The following PDE1A variants were observed in gnomAD, a reference collection of about 807,000 sequenced individuals.
The protein encoded by PDE1A is phosphodiesterase 1A, also known as dual specificity calcium/calmodulin-dependent 3',5'-cyclic nucleotide phosphodiesterase 1A.
A neutral mutation model predicts 61.7 loss-of-function variants in PDE1A; 35 were observed. That is an observed-to-expected ratio of 0.57 (90% confidence interval 0.43 to 0.75). The LOEUF is 0.75. Among genes scored for constraint, PDE1A ranks in the 30% least tolerant of loss-of-function variants. The pLI is 0.00. For missense variants in PDE1A, 597 were observed against 630.6 expected, an observed-to-expected ratio of 0.95 and a Z score of 0.57; for synonymous variants, 232 against 213.2, an observed-to-expected ratio of 1.09 and a Z score of -0.77.
At chr2:182,569,242 TA>T in the PDE1A span, among the ~76,000 whole-genome samples, 1 of 129,430 alleles carries the variant, frequency 7.7e-6, no homozygotes, top group Non-Finnish European at 1.6e-5. Flanking sequence ...GACAGAGTGA[TA>T]ACCTGTCTCA....
At chr2:182,163,686 T>C (rs960004240), downstream of PDE1A, among the ~76,000 whole-genome samples, 2 of 152,148 alleles carry the variant, frequency 1.3e-5, no homozygotes, top group Non-Finnish European at 2.9e-5. Flanking sequence ...CAATTCCTAG[T>C]GGACCTATTT....
chr2:182,456,805 G>T (rs1685949853), intron 2 of PDE1A, among the ~76,000 whole-genome samples: 1 of 152,100 alleles, frequency 6.6e-6, no homozygotes. Context: ...AAATGTGCGT[G>T]TGTGTTTATA....
the PDE1A span, among the ~76,000 whole-genome samples, chr2:182,566,868 C>CA: frequency 6.6e-6 from 1 of 152,184 alleles, no homozygotes; most frequent in Non-Finnish European, 1.5e-5. Context: ...CATCTTCAAG[C>CA]AATCCAAATT....
the PDE1A span, among the ~76,000 whole-genome samples, chr2:182,535,503 C>T: frequency 6.6e-6 from 1 of 151,984 alleles, no homozygotes; most frequent in African/African-American, 2.4e-5. Flanking sequence ...TATAAGAAAA[C>T]TAGTGGTATT....
chr2:182,418,372 T>C (rs529703249), intron 1 of PDE1A, among the ~76,000 whole-genome samples: 12 of 152,286 alleles, frequency 7.9e-5, no homozygotes, highest in Admixed American at 3.9e-4. Flanking sequence ...TTTTAACTTT[T>C]TAAAACTTCT....
intron 2 of PDE1A, among the ~76,000 whole-genome samples, chr2:182,483,218 T>C (rs1421978012): frequency 1.3e-5 from 2 of 151,750 alleles, no homozygotes; most frequent in South Asian, 2.1e-4. Flanking sequence ...AAATAGGCAA[T>C]TAAACAATTA....
the PDE1A span, among the ~76,000 whole-genome samples, chr2:182,622,456 A>G: frequency 6.6e-6 from 1 of 152,258 alleles, no homozygotes; most frequent in East Asian, 1.9e-4. Context: ...AAAATGAGTA[A>G]GATAAACTAT....
chr2:182,366,179 C>T (rs1699828449), intron 1 of PDE1A, among the ~76,000 whole-genome samples: 1 of 151,938 alleles, frequency 6.6e-6, no homozygotes, highest in African/African-American at 2.4e-5. Context: ...GTGTTTAGTG[C>T]TATTTTGACT....
intron 13 of PDE1A, among the ~76,000 whole-genome samples, chr2:182,151,774 C>A (rs1690793049): frequency 6.6e-6 from 1 of 152,062 alleles, no homozygotes; most frequent in Non-Finnish European, 1.5e-5. Flanking sequence ...AAGATCATTT[C>A]TCATGTAGAT....
the PDE1A span, among the ~76,000 whole-genome samples, chr2:182,572,184 G>A: frequency 6.6e-6 from 1 of 152,146 alleles, no homozygotes; most frequent in Non-Finnish European, 1.5e-5. Context: ...TGTCTTCTTA[G>A]GAGTGTGTTT....
chr2:182,257,227 A>T (rs6714282), intron 2 of PDE1A, among the ~76,000 whole-genome samples: 43,338 of 151,938 alleles, frequency 0.29, 6,433 homozygotes, highest in Middle Eastern at 0.41. Flanking sequence ...CTCCTGTTCC[A>T]CACCTCCAAT....
chr2:182,152,627 G>T (rs963421457), intron 13 of PDE1A, among the ~76,000 whole-genome samples: 2 of 151,848 alleles, frequency 1.3e-5, no homozygotes, highest in African/African-American at 4.8e-5. Flanking sequence ...CGCCATGTTG[G>T]CCAGGCTGGT....
intron 2 of PDE1A, among the ~76,000 whole-genome samples, chr2:182,509,430 AT>A (rs766373730): frequency 1.1e-4 from 17 of 152,188 alleles, no homozygotes; most frequent in Non-Finnish European, 2.4e-4. Flanking sequence ...TGTGGAAAAA[AT>A]CAAAACAAGA....
chr2:182,578,910 T>G, the PDE1A span, among the ~76,000 whole-genome samples: 4 of 152,244 alleles, frequency 2.6e-5, no homozygotes, highest in Non-Finnish European at 5.9e-5. Flanking sequence ...TTATATAATT[T>G]TTTAATCTAG....
rs373515933 is a variant in PDE1A at position 182,427,043 on chromosome 2, T to C, written c.-413A>G. 2.0e-6 allele frequency: 2 copies of C among 992,168 alleles called. No homozygotes were observed. The allele number at this position is 992,168 out of a possible 1,614,324, so 61.5% of individuals were successfully genotyped here. On this transcript the variant is annotated 5_prime_UTR_variant, in exon 1 of 14. Coordinates refer to ENST00000351439, the Ensembl canonical transcript of PDE1A. ...GCTGGTCAAGCTCCGAAAGGCTAAG[T>C]CCCTCCCTGTCTTTAAAACAGACTG...
chr2:182,577,733 A>C, the PDE1A span, among the ~76,000 whole-genome samples: 1 of 152,184 alleles, frequency 6.6e-6, no homozygotes, highest in East Asian at 1.9e-4. Context: ...CAGCCTGGCC[A>C]ACATAGCAAA....
chr2:182,421,550 T>C (rs1013566335), intron 1 of PDE1A, among the ~76,000 whole-genome samples: 1 of 152,212 alleles, frequency 6.6e-6, no homozygotes, highest in African/African-American at 2.4e-5. Flanking sequence ...TGCTAGTTTA[T>C]TGGAGATAAT....
chr2:182,561,233 T>A, the PDE1A span, among the ~76,000 whole-genome samples: 3 of 152,266 alleles, frequency 2.0e-5, no homozygotes, highest in Admixed American at 2.0e-4. Context: ...AATTTTTGTA[T>A]AAGGTGTAAG....
At chr2:182,450,005 A>T (rs1401590960) in intron 2 of PDE1A, among the ~76,000 whole-genome samples, 1 of 152,134 alleles carries the variant, frequency 6.6e-6, no homozygotes, top group Non-Finnish European at 1.5e-5. Flanking sequence ...TTATAATGCT[A>T]CAACATAAAA....
Sources: allele counts gnomAD v4.1 joint callset (sites outside exome capture counted in the v4.1 genomes callset), GRCh38; gene constraint gnomAD v4.1.1; transcripts MANE v1.5; gene names NCBI Gene and HGNC (gene_info 2026-07-23, HGNC 2026-07-21).